CCDC43: variants seen among roughly 807,000 people sequenced by gnomAD.
CCDC43 encodes the protein coiled-coil domain-containing protein 43.
In CCDC43, 20 loss-of-function variants were observed where a neutral mutation model predicts 33.3. The observed-to-expected ratio is 0.60, with a 90% CI of 0.42 to 0.87. CCDC43 has a LOEUF of 0.87. Among genes scored for constraint, CCDC43 ranks in the 40% least tolerant of loss-of-function variants. The pLI is 0.00. For synonymous variants in CCDC43, 104 were observed against 106.5 expected, an observed-to-expected ratio of 0.98 and a Z score of 0.14; for missense variants, 248 against 269.9, an observed-to-expected ratio of 0.92 and a Z score of 0.57.
intron 1 of CCDC43, 129 bp from the exon 2 acceptor site, chr17:44,684,088 T>G: frequency 1.6e-6 from 1 of 644,574 alleles, no homozygotes; most frequent in Non-Finnish European, 2.8e-6. Context: ...GGAGCCACAA[T>G]AGAGTATGTT....
intron 3 of CCDC43, 125 bp from the exon 4 acceptor site, chr17:44,680,768 G>T: frequency 1.5e-6 from 1 of 679,194 alleles, no homozygotes; most frequent in Non-Finnish European, 2.8e-6. Flanking sequence ...GGGATATGGC[G>T]ATAAACCCAG....
chr17:44,678,940 C>A lies in CCDC43; in HGVS notation c.591G>T (p.Leu197=), dbSNP rs1216445593. The A allele has an allele frequency of 3.7e-6, 6 of 1,613,712 alleles. No individual in the cohort carries two copies. The Admixed American group carries it at 1.0e-4, about 27-fold the overall frequency. ...TGGCTAGTTTGTCTCTCTCCCTCTG[C>A]AGCTTGTCCTGTTCCTTCTTCCTTT... The part of the protein sequence containing the change: ...ESQRKKEQDK[L]QRERDKLAKQ... The change falls in exon 5 of 5, where the codon CTG becomes CTT. Residue 197 remains leucine (L), a synonymous_variant. Transcript: ENST00000315286.
At chr17:44,680,756 C>T in intron 3 of CCDC43, 113 bp from the exon 4 acceptor site, 1 of 749,528 alleles carries the variant, frequency 1.3e-6, no homozygotes, top group Non-Finnish European at 2.4e-6. Context: ...AGCACATTAT[C>T]AGGGATATGG....
At chr17:44,682,168 T>TCTTC in intron 2 of CCDC43, 30 bp from the exon 3 acceptor site, 1 of 1,613,388 alleles carries the variant, frequency 6.2e-7, no homozygotes, top group Non-Finnish European at 8.5e-7. Flanking sequence ...AGAACAAGGT[T>TCTTC]GTATGAGAGA....
At position 44,678,543 on chromosome 17, in the gene CCDC43, A is replaced by G; in HGVS notation, c.*313T>C. The G allele has an allele frequency of 8.7e-6, 2 of 230,142 alleles. No individual in the cohort carries two copies. The highest frequency in any genetic ancestry group is 2.7e-4 in the South Asian group (2 of 7,468). 14.3% of individuals were successfully genotyped at this position (230,142 alleles called of 1,614,324 possible). ...AGAATGAAAACTGTTAGCTTTCTGA[A>G]TCCTATTTATCCAAGGTGAGGGAAG... On this transcript the variant is annotated 3_prime_UTR_variant, in exon 5 of 5. Transcript: ENST00000315286.
Position 44,689,773 on chromosome 17 carries a change from A to G in CCDC43, c.-20T>C. The G allele has an allele frequency of 6.5e-7, 1 of 1,542,314 alleles. No homozygotes were observed. Among genetic ancestry groups the G allele is most frequent in the South Asian group, 1.2e-5 (1 of 84,080 alleles). On this transcript the variant is annotated 5_prime_UTR_variant, in exon 1 of 5. Transcript: ENST00000315286. Reference sequence around the variant, plus strand: ...CGCCATCTTGGGGTCAGGGTCCTGCAAGCCCCTAGGGCGCCTACCGCAGTG... The same window carrying G: ...CGCCATCTTGGGGTCAGGGTCCTGCGAGCCCCTAGGGCGCCTACCGCAGTG...
chr17:44,683,293 T>A (rs1222990281), intron 2 of CCDC43, among the ~76,000 whole-genome samples: 1 of 152,116 alleles, frequency 6.6e-6, no homozygotes, highest in Admixed American at 6.5e-5. Flanking sequence ...TTTGGGAGGC[T>A]GAGGTGGGCA....
chr17:44,682,781 G>A (rs188489112), intron 2 of CCDC43, among the ~76,000 whole-genome samples: 1,874 of 151,996 alleles, frequency 0.012, 28 homozygotes, highest in African/African-American at 0.041. Flanking sequence ...GCGTGAACCC[G>A]GGGAGGCGGA....
intron 1 of CCDC43, chr17:44,689,307 G>A (rs1484312107): frequency 5.4e-6 from 3 of 554,894 alleles, no homozygotes; most frequent in African/African-American, 1.9e-5. Context: ...AAGCATCGGA[G>A]AGGGCCTTGT....
chr17:44,688,950 C>G (rs1972281490), intron 1 of CCDC43: 1 of 153,094 alleles, frequency 6.5e-6, no homozygotes, highest in South Asian at 2.0e-4. Context: ...GCTCTGATCT[C>G]TCTCATACCC....
In CCDC43 at chr17:44,679,012, G is replaced by A. The variant is rs1040955799; in HGVS notation, c.519C>T (p.Val173=). Residue 173 remains valine, a synonymous_variant, in exon 5 of 5, where the codon GTC becomes GTT. Transcript: ENST00000315286. ...CTCGCTCCAGTTTTCGGGCATTAAG[G>A]ACATCTTCCACATTGGTGTTTCGGA... ...LLFRNTNVED[V]LNARKLERDS... 2.5e-6 allele frequency: 4 copies of A among 1,613,722 alleles called. No individual in the cohort carries two copies. Among genetic ancestry groups the A allele is most frequent in the Non-Finnish European group, 3.4e-6 (4 of 1,179,836 alleles).
At chr17:44,683,084 A>G (rs928837717) in intron 2 of CCDC43, among the ~76,000 whole-genome samples, 3 of 152,144 alleles carry the variant, frequency 2.0e-5, no homozygotes, top group Non-Finnish European at 4.4e-5. Flanking sequence ...AGAGTTCAGA[A>G]TCTTTCCAAA....
At chr17:44,684,575 G>A (rs1199016732) in intron 1 of CCDC43, among the ~76,000 whole-genome samples, 1 of 151,884 alleles carries the variant, frequency 6.6e-6, no homozygotes, top group Non-Finnish European at 1.5e-5. Flanking sequence ...GCACATGCCT[G>A]TAATCACAGT....
intron 1 of CCDC43, among the ~76,000 whole-genome samples, chr17:44,685,469 G>A (rs74577723): frequency 0.012 from 1,887 of 152,270 alleles, 40 homozygotes; most frequent in African/African-American, 0.041. Context: ...CAAAAATCTT[G>A]TCTTTAGTGT....
In CCDC43 at chr17:44,680,931, G is replaced by A. The variant is rs1012081532; in HGVS notation, c.429-288C>T. 2.0e-5 allele frequency among the ~76,000 whole-genome samples: 3 copies of A among 152,186 alleles called. No individual in the cohort carries two copies. In the East Asian group the frequency reaches 5.8e-4, roughly 29 times the overall value. Reference sequence around the variant, plus strand: ...ACCTTTAAACAGTGGTTCTCAAAGTGTGGTTCACAAAACCCCCAGGAATAT... The same window carrying A: ...ACCTTTAAACAGTGGTTCTCAAAGTATGGTTCACAAAACCCCCAGGAATAT... On this transcript the variant is annotated intron_variant, in intron 3 of 4. Coordinates refer to ENST00000315286, the MANE Select transcript of CCDC43 (RefSeq NM_144609.3).
intron 3 of CCDC43, chr17:44,681,693 T>C: frequency 3.3e-6 from 1 of 303,648 alleles, no homozygotes; most frequent in Non-Finnish European, 6.3e-6. Flanking sequence ...AGAAAAGTAT[T>C]ATACAAATAT....
chr17:44,686,731 G>A (rs1972242753), intron 1 of CCDC43, among the ~76,000 whole-genome samples: 1 of 152,118 alleles, frequency 6.6e-6, no homozygotes. Flanking sequence ...TACTAGTGAT[G>A]CTTTTCCATG....
intron 4 of CCDC43, among the ~76,000 whole-genome samples, chr17:44,679,947 G>A (rs1168838483): frequency 4.0e-5 from 6 of 151,830 alleles, no homozygotes. Flanking sequence ...CAAATTATAA[G>A]GTTTTTGAGG....
intron 3 of CCDC43, among the ~76,000 whole-genome samples, chr17:44,681,236 A>G (rs774948556): frequency 1.3e-5 from 2 of 152,180 alleles, no homozygotes; most frequent in Admixed American, 1.3e-4. Flanking sequence ...CAGGAGATCG[A>G]GACCAGCCTG....
Sources: gnomAD v4.1 joint callset for allele counts (sites outside exome capture counted in the v4.1 genomes callset) on GRCh38, gnomAD v4.1.1 for gene constraint, MANE v1.5 for transcripts, NCBI Gene and HGNC (gene_info 2026-07-23, HGNC 2026-07-21) for gene names.